The following RBFOX1 variants were observed in gnomAD, a reference collection of about 807,000 sequenced individuals.
The protein encoded by RBFOX1 is RNA binding fox-1 homolog 1, also known as RNA binding protein fox-1 homolog 1.
A neutral mutation model predicts 57.7 loss-of-function variants in RBFOX1; 8 were observed. The ratio of observed to expected loss-of-function variants is 0.14; its 90% CI spans 0.08 to 0.25. The LOEUF (loss-of-function observed/expected upper bound fraction) is 0.25. Among genes scored for constraint, RBFOX1 ranks in the 10% least tolerant of loss-of-function variants. The pLI is 1.00. For missense variants in RBFOX1, 611 were observed against 548.5 expected (o/e 1.11, Z -1.14); for synonymous variants, 326 against 222.4 (o/e 1.47, Z -4.15).
chr16:6,025,710 G>A (rs923842432), intron 1 of RBFOX1, among the ~76,000 whole-genome samples: 2 of 152,148 alleles, frequency 1.3e-5, no homozygotes, highest in Non-Finnish European at 2.9e-5. Flanking sequence ...TATTGACAGT[G>A]CAAAGTGGGT....
intron 2 of RBFOX1, among the ~76,000 whole-genome samples, chr16:5,541,695 C>A (rs769213884): frequency 1.3e-5 from 2 of 152,166 alleles, no homozygotes; most frequent in South Asian, 2.1e-4. Context: ...GATTTGGGGG[C>A]CCTAAGATTT....
chr16:6,796,168 G>C (rs1479127166), intron 3 of RBFOX1, among the ~76,000 whole-genome samples: 6 of 152,086 alleles, frequency 3.9e-5, no homozygotes, highest in African/African-American at 1.2e-4. Context: ...CAAGAGAAGA[G>C]AGCTTGTGCA....
chr16:6,692,660 C>CAA (rs2060373668), intron 3 of RBFOX1, among the ~76,000 whole-genome samples: 1 of 151,788 alleles, frequency 6.6e-6, no homozygotes, highest in Admixed American at 6.6e-5. Flanking sequence ...CTGTTTCTTC[C>CAA]ACCTGAATGT....
chr16:6,385,026 A>T (rs1184292186), intron 2 of RBFOX1, among the ~76,000 whole-genome samples: 1 of 152,104 alleles, frequency 6.6e-6, no homozygotes, highest in African/African-American at 2.4e-5. Context: ...CCTGTTTGCT[A>T]TCTACAAATT....
intron 2 of RBFOX1, among the ~76,000 whole-genome samples, chr16:6,488,794 G>A (rs1013033802): frequency 7.9e-5 from 12 of 152,078 alleles, no homozygotes; most frequent in Admixed American, 7.2e-4. Context: ...GCGAGAGGAT[G>A]ACTCCCTCCT....
chr16:7,541,138 C>T (rs961209588), intron 5 of RBFOX1, among the ~76,000 whole-genome samples: 1 of 152,188 alleles, frequency 6.6e-6, no homozygotes, highest in African/African-American at 2.4e-5. Context: ...CTGTATGTAC[C>T]TTGAGCAGCA....
intron 2 of RBFOX1, among the ~76,000 whole-genome samples, chr16:5,593,906 T>C (rs1276498852): frequency 6.6e-6 from 1 of 152,186 alleles, no homozygotes; most frequent in Non-Finnish European, 1.5e-5. Flanking sequence ...ACAGAGGTAC[T>C]GACCCCATTT....
At chr16:7,093,703 C>T (rs961637411) in intron 4 of RBFOX1, among the ~76,000 whole-genome samples, 6 of 152,192 alleles carry the variant, frequency 3.9e-5, no homozygotes, top group Admixed American at 3.9e-4. Context: ...CAGACTTTGT[C>T]TGGCAGAGGG....
intron 3 of RBFOX1, among the ~76,000 whole-genome samples, chr16:5,852,567 G>T (rs933117998): frequency 1.3e-5 from 2 of 152,164 alleles, no homozygotes; most frequent in African/African-American, 2.4e-5. Context: ...TTTGGGCAAG[G>T]CACGATTCTG....
intron 2 of RBFOX1, among the ~76,000 whole-genome samples, chr16:5,511,729 G>A (rs1019165272): frequency 9.2e-5 from 14 of 152,182 alleles, no homozygotes; most frequent in African/African-American, 2.7e-4. Flanking sequence ...TTGAACCCAT[G>A]TTGGCCTGAT....
At position 6,983,014 on chromosome 16, in the gene RBFOX1, AAAAGG is replaced by A. The variant is rs1290594677; in HGVS notation, c.-15-69037_-15-69033del. On this transcript the variant is annotated intron_variant, in intron 3 of 15. Transcript: ENST00000550418. ...TGTCTAAAAAAAAAAAAAAAAAAAA[AAAAGG>A]AAAGGTGTCGAACTGAGGCTCGAGC... Among the ~76,000 whole-genome samples the A allele has an allele frequency of 8.7e-3, 1,284 of 148,038 alleles. 14 individuals carry two copies. The highest frequency in any genetic ancestry group is 0.015 in the Non-Finnish European group (1,001 of 66,550).
At chr16:7,644,474 T>G (rs937005649) in intron 11 of RBFOX1, among the ~76,000 whole-genome samples, 1 of 152,198 alleles carries the variant, frequency 6.6e-6, no homozygotes, top group Non-Finnish European at 1.5e-5. Flanking sequence ...CCAGGATCCC[T>G]TATCACTAAC....
chr16:7,051,728 C>T (rs1389113450), intron 3 of RBFOX1, among the ~76,000 whole-genome samples: 1 of 152,104 alleles, frequency 6.6e-6, no homozygotes, highest in Non-Finnish European at 1.5e-5. Flanking sequence ...ATAGGGCAAG[C>T]TGGGGTTTTC....
intron 3 of RBFOX1, among the ~76,000 whole-genome samples, chr16:5,712,184 A>T (rs116316128): frequency 3.3e-5 from 5 of 152,080 alleles, no homozygotes; most frequent in Admixed American, 3.3e-4. Flanking sequence ...TGATCCAATC[A>T]CCTTCCACCA....
intron 3 of RBFOX1, among the ~76,000 whole-genome samples, chr16:6,869,665 C>G (rs1000059485): frequency 6.6e-6 from 1 of 152,234 alleles, no homozygotes; most frequent in East Asian, 1.9e-4. Context: ...GATTTTTACC[C>G]TTCTCAAAAC....
intron 2 of RBFOX1, among the ~76,000 whole-genome samples, chr16:6,434,486 T>A (rs2094181850): frequency 6.6e-6 from 1 of 152,190 alleles, no homozygotes; most frequent in Non-Finnish European, 1.5e-5. Flanking sequence ...AAAGCCCTCA[T>A]TTGTGAACTG....
intron 3 of RBFOX1, among the ~76,000 whole-genome samples, chr16:6,733,854 C>T (rs113325703): frequency 9.8e-4 from 150 of 152,316 alleles, no homozygotes; most frequent in African/African-American, 3.4e-3. Context: ...CCAGAGCTGA[C>T]GTTCACCCAG....
intron 4 of RBFOX1, among the ~76,000 whole-genome samples, chr16:7,328,978 A>T (rs2144022047): frequency 6.6e-6 from 1 of 152,296 alleles, no homozygotes; most frequent in South Asian, 2.1e-4. Flanking sequence ...TTTTTAAAAA[A>T]AGAATAATAT....
chr16:6,675,498 T>G (rs1183318300), intron 3 of RBFOX1, among the ~76,000 whole-genome samples: 1 of 152,200 alleles, frequency 6.6e-6, no homozygotes, highest in East Asian at 1.9e-4. Context: ...TGGTCAGGCT[T>G]GCATCCTGTG....
Sources: gnomAD v4.1 joint callset for allele counts (sites outside exome capture counted in the v4.1 genomes callset) on GRCh38, gnomAD v4.1.1 for gene constraint, MANE v1.5 for transcripts, NCBI Gene and HGNC (gene_info 2026-07-23, HGNC 2026-07-21) for gene names.